Variants in CD109 observed in about 807,000 individuals in gnomAD.
The protein encoded by CD109 is CD109 molecule, also known as CD109 antigen.
Under a neutral mutation model 165.8 loss-of-function variants are expected in CD109, and 149 were observed. That is an observed-to-expected ratio of 0.90 (90% CI 0.79 to 1.03). The LOEUF (loss-of-function observed/expected upper bound fraction) is 1.03, where lower values mean the gene tolerates loss of function less well. CD109 is among the 50% of genes least tolerant of loss of function. The pLI, the probability that CD109 is intolerant of heterozygous loss-of-function variation, is 0.00. For synonymous variants in CD109, 585 were observed against 592.1 expected (o/e 0.99, Z 0.18); for missense variants, 1,712 against 1,677.8 (o/e 1.02, Z -0.36).
intron 5 of CD109, among the ~76,000 whole-genome samples, chr6:73,744,889 C>T (rs956387346): frequency 6.6e-6 from 1 of 152,132 alleles, no homozygotes; most frequent in African/African-American, 2.4e-5. Flanking sequence ...GTAGCATCAT[C>T]AGTACATAGG....
At chr6:73,738,369 C>G (rs1283182390) in intron 5 of CD109, among the ~76,000 whole-genome samples, 1 of 152,190 alleles carries the variant, frequency 6.6e-6, no homozygotes, top group African/African-American at 2.4e-5. Context: ...TGGCTGGCAG[C>G]CTGTGGGTGG....
rs1352766740 is a variant in CD109 at position 73,791,190 on chromosome 6, T to TATATATATATATAC, written c.2702-1435_2702-1434insTATATATATATACA. 4.2e-3 allele frequency among the ~76,000 whole-genome samples: 57 copies of TATATATATATATAC among 13,534 alleles called. 3 individuals carry two copies. The highest frequency in any genetic ancestry group is 0.012 in the African/African-American group (52 of 4,286). The allele number at this position is 13,534 out of a possible 152,430, so 8.9% of individuals were successfully genotyped here. A position where few individuals can be genotyped will look rare whatever the true frequency, so the allele number is the denominator to read the frequency against. On this transcript the variant is annotated intron_variant, in intron 22 of 32. Coordinates refer to ENST00000287097, the MANE Select transcript of CD109 (RefSeq NM_133493.5). Reference sequence around the variant, plus strand: ...ATATATATATATACACACACACACATACATATATATATATATATATATATA... The same window carrying TATATATATATATAC: ...ATATATATATATACACACACACACATATATATATATATACACATATATATATATATATATATATA...
At chr6:73,784,437 A>G (rs186092219) in intron 19 of CD109, among the ~76,000 whole-genome samples, 2 of 152,360 alleles carry the variant, frequency 1.3e-5, no homozygotes, top group Admixed American at 1.3e-4. Flanking sequence ...TAAACAGACA[A>G]TTCAGCAACA....
chr6:73,783,808 C>G lies in CD109; in HGVS notation c.2207C>G (p.Thr736Arg). ...TCTGAGGACCTGGGTCTTGGACTAA[C>G]AACTACTCCAGTGGAGGTATTGTAT... is the stretch of plus-strand genomic sequence containing the variant. ...VISEDLGLGL[T>R]TTPVELQAFQ... Residue 736 changes from threonine (T) to arginine (R), a missense_variant, in exon 19 of 33, where the codon ACA becomes AGA. Coordinates refer to ENST00000287097, the MANE Select transcript of CD109 (RefSeq NM_133493.5). The G allele has an allele frequency of 6.3e-7, 1 of 1,588,316 alleles. No homozygotes were observed. The highest frequency in any genetic ancestry group is 1.7e-5 in the Admixed American group (1 of 59,824).
chr6:73,732,708 C>G (rs147076342), intron 4 of CD109, among the ~76,000 whole-genome samples: 1 of 152,368 alleles, frequency 6.6e-6, no homozygotes, highest in East Asian at 1.9e-4. Flanking sequence ...CAACCCAGAA[C>G]TAACCCTGCT....
chr6:73,763,781 A>C, intron 10 of CD109, 96 bp downstream of exon 10: 1 of 572,726 alleles, frequency 1.7e-6, no homozygotes, highest in East Asian at 3.1e-5. Flanking sequence ...TAAAAATTTA[A>C]GCCAAAAAGT....
rs367863944 is a variant in CD109 at position 73,736,444 on chromosome 6, C to G, written c.569C>G (p.Ser190Cys). Residue 190 changes from serine to cysteine, a missense_variant, in exon 5 of 33, where the codon TCC becomes TGC. By Grantham distance (112) the Ser-to-Cys change is moderately radical (BLOSUM62 -1). Coordinates refer to ENST00000287097, the MANE Select transcript of CD109 (RefSeq NM_133493.5). Reference sequence around the variant, plus strand: ...CAACAAAGTGATCTTGGAGTCATTTCCAAAACTTTTCAGCTATCTTCCCAT... The same window carrying G: ...CAACAAAGTGATCTTGGAGTCATTTGCAAAACTTTTCAGCTATCTTCCCAT... ...LSQQSDLGVI[S>C]KTFQLSSHPI... 1.9e-5 allele frequency: 31 copies of G among 1,613,868 alleles called. No individual in the cohort carries two copies. The highest frequency in any genetic ancestry group is 2.6e-5 in the Non-Finnish European group (31 of 1,179,868).
chr6:73,778,659 A>T (rs940883357), intron 15 of CD109, among the ~76,000 whole-genome samples: 2 of 151,760 alleles, frequency 1.3e-5, no homozygotes, highest in African/African-American at 2.4e-5. Context: ...CACATTATGA[A>T]TTTTTTTTCT....
Position 73,730,375 on chromosome 6 carries a change from A to G in CD109, c.308A>G (p.Glu103Gly). Residue 103 changes from glutamate to glycine, a missense_variant, in exon 4 of 33, where the codon GAG (glutamate) becomes GGG (glycine). Physicochemically the swap from Glu to Gly is moderately conservative, Grantham distance 98. Transcript: ENST00000287097. The part of the protein sequence containing the change: ...LPLNSADEIY[E>G]LRVTGRTQDE... ...CTGAACAGTGCAGATGAGATTTATG[A>G]GCTACGTGTAACCGGACGTACCCAG... 6.2e-7 allele frequency: 1 copy of G among 1,613,544 alleles called. No homozygotes were observed. Among genetic ancestry groups the G allele is most frequent in the Non-Finnish European group, 8.5e-7 (1 of 1,179,488 alleles).
At chr6:73,713,912 C>T (rs557483102) in intron 2 of CD109, among the ~76,000 whole-genome samples, 1 of 152,176 alleles carries the variant, frequency 6.6e-6, no homozygotes, top group Admixed American at 6.5e-5. Context: ...AAATAAATTA[C>T]CACCCCTCCC....
In CD109 at chr6:73,823,807, C is replaced by A; in HGVS notation, c.*174C>A. On this transcript the variant is annotated 3_prime_UTR_variant, in exon 33 of 33. Transcript: ENST00000287097. ...GCATGTATAGCTGCATAGATTTCTTCACCTGATCTTTGTGTGGAAGATCAG... is the reference window on the plus strand; with the variant it reads ...GCATGTATAGCTGCATAGATTTCTTAACCTGATCTTTGTGTGGAAGATCAG... The A allele has an allele frequency of 2.1e-6, 1 of 471,242 alleles. No homozygotes were observed. Among genetic ancestry groups the A allele is most frequent in the Non-Finnish European group, 3.7e-6 (1 of 266,822 alleles). 29.2% of individuals were successfully genotyped at this position (471,242 alleles called of 1,614,324 possible).
Position 73,787,491 on chromosome 6 carries a change from C to T in CD109, c.2556+39C>T, listed in dbSNP as rs146590998. On this transcript the variant is annotated intron_variant, in intron 21 of 32. Coordinates refer to ENST00000287097, the MANE Select transcript of CD109 (RefSeq NM_133493.5). ...GTCTGAAAGAAGTGAAATGGAAATA[C>T]GTAATTAAAAAGGAAGCAGAAGGTT... 3.9e-5 allele frequency: 58 copies of T among 1,497,912 alleles called. No individual in the cohort carries two copies. The East Asian group carries it at 1.1e-3, about 28-fold the overall frequency. 92.8% of individuals were successfully genotyped at this position (1,497,912 alleles called of 1,614,324 possible). A position where few individuals can be genotyped will look rare whatever the true frequency, so the allele number is the denominator to read the frequency against.
rs1418455014 is a variant in CD109, at chr6:73,825,933, A to T, written c.*2300A>T. On this transcript the variant is annotated 3_prime_UTR_variant, in exon 33 of 33. Coordinates refer to ENST00000287097, the MANE Select transcript of CD109 (RefSeq NM_133493.5). ...ACAGAGGTTGCAGTGAGCCGAGATC[A>T]CGCCACTGCACTCCAGCCTGGGGGA... The T allele has an allele frequency of 6.6e-6, 1 of 152,304 alleles. No individual in the cohort carries two copies. The highest frequency in any genetic ancestry group is 1.5e-5 in the Non-Finnish European group (1 of 68,104). 9.4% of individuals were successfully genotyped at this position (152,304 alleles called of 1,614,324 possible). A position where few individuals can be genotyped will look rare whatever the true frequency, so the allele number is the denominator to read the frequency against.
At chr6:73,736,286 C>A in intron 4 of CD109, 97 bp from the exon 5 acceptor site, 1 of 1,325,934 alleles carries the variant, frequency 7.5e-7, no homozygotes, top group Non-Finnish European at 1.0e-6. Context: ...AGTTCTGGAC[C>A]TGGGTGGGAA....
intron 4 of CD109, 27 bp from the exon 5 acceptor site, chr6:73,736,356 T>C: frequency 6.2e-7 from 1 of 1,611,822 alleles, no homozygotes; most frequent in South Asian, 1.1e-5. Flanking sequence ...AGCCTCTACA[T>C]ACTTACATGT....
chr6:73,749,256 G>A (rs146165277), intron 5 of CD109, among the ~76,000 whole-genome samples: 87 of 152,144 alleles, frequency 5.7e-4, no homozygotes, highest in African/African-American at 2.0e-3. Context: ...GTTAAGTGAT[G>A]GTGGGCATGG....
At chr6:73,691,351 C>T (rs1210978729), upstream of CD109, among the ~76,000 whole-genome samples, 4 of 152,178 alleles carry the variant, frequency 2.6e-5, no homozygotes, top group Non-Finnish European at 5.9e-5. Context: ...GTGGGGTACC[C>T]CATACACCTG....
At chr6:73,727,184 T>C (rs1336479870) in intron 3 of CD109, among the ~76,000 whole-genome samples, 1 of 152,108 alleles carries the variant, frequency 6.6e-6, no homozygotes, top group Non-Finnish European at 1.5e-5. Flanking sequence ...AAGTCAATAA[T>C]CTTTTCTTCA....
At chr6:73,783,181 G>A (rs1774569909) in intron 18 of CD109, among the ~76,000 whole-genome samples, 1 of 152,218 alleles carries the variant, frequency 6.6e-6, no homozygotes, top group Non-Finnish European at 1.5e-5. Flanking sequence ...AGGGGCATGG[G>A]TGGTGGAAAG....
Sources: allele counts gnomAD v4.1 joint callset (sites outside exome capture counted in the v4.1 genomes callset), GRCh38; gene constraint gnomAD v4.1.1; transcripts MANE v1.5; gene names NCBI Gene and HGNC (gene_info 2026-07-23, HGNC 2026-07-21).